The following C12orf56 variants were observed in gnomAD, a reference collection of about 807,000 sequenced individuals.
The protein encoded by C12orf56 is uncharacterized protein C12orf56.
Under a neutral mutation model 69.9 loss-of-function variants are expected in C12orf56, and 71 were observed. The observed-to-expected ratio is 1.02, with a 90% confidence interval of 0.84 to 1.24. C12orf56 has a LOEUF of 1.24. C12orf56 is among the 50% of genes most tolerant of loss of function. The pLI is 0.00. For synonymous variants in C12orf56, 276 were observed against 274.1 expected, an observed-to-expected ratio of 1.01 and a Z score of -0.07; for missense variants, 732 against 738.5, an observed-to-expected ratio of 0.99 and a Z score of 0.10.
At position 64,318,737 on chromosome 12, in the gene C12orf56, A is replaced by T; in HGVS notation, c.732T>A (p.Asn244Lys). 1 of 1,535,948 alleles carries T rather than the reference A, an allele frequency of 6.5e-7. No homozygotes were observed. Among genetic ancestry groups the T allele is most frequent in the South Asian group, 1.2e-5 (1 of 83,982 alleles). ...CTAAGTAAAACTCATTTCCATTCCCATTGCACTTGAAAGGAATTTCACTTA... is the reference window on the plus strand; with the variant it reads ...CTAAGTAAAACTCATTTCCATTCCCTTTGCACTTGAAAGGAATTTCACTTA... ...NSISEIPFKCNGNGNEFYLGN... is the reference protein window; with the variant it reads ...NSISEIPFKCKGNGNEFYLGN... Residue 244 changes from asparagine to lysine, a missense_variant, in exon 4 of 13, where the codon AAT (asparagine) becomes AAA (lysine). Transcript: ENST00000543942.
chr12:64,375,592 G>C (rs2039629025), intron 1 of C12orf56, among the ~76,000 whole-genome samples: 1 of 152,126 alleles, frequency 6.6e-6, no homozygotes, highest in African/African-American at 2.4e-5. Flanking sequence ...ATAGAGGCTG[G>C]CCATTGGAAG....
intron 6 of C12orf56, among the ~76,000 whole-genome samples, chr12:64,294,163 A>T (rs926015382): frequency 6.6e-6 from 1 of 152,144 alleles, no homozygotes; most frequent in Non-Finnish European, 1.5e-5. Context: ...GATAGCTACT[A>T]TTAAAAAAAA....
intron 1 of C12orf56, among the ~76,000 whole-genome samples, chr12:64,382,966 C>G (rs555413791): frequency 4.6e-5 from 7 of 151,934 alleles, no homozygotes; most frequent in African/African-American, 7.2e-5. Context: ...CTTGTTCATT[C>G]CTGGGCATCC....
chr12:64,288,788 C>T (rs2038243891), intron 6 of C12orf56, among the ~76,000 whole-genome samples: 1 of 150,264 alleles, frequency 6.7e-6, no homozygotes, highest in Non-Finnish European at 1.5e-5. Flanking sequence ...TAGTGTGATG[C>T]CTCCAGCTTT....
At chr12:64,328,508 A>G (rs1480010075) in intron 3 of C12orf56, among the ~76,000 whole-genome samples, 4 of 151,364 alleles carry the variant, frequency 2.6e-5, no homozygotes, top group Non-Finnish European at 5.9e-5. Context: ...GTGAAACTCC[A>G]TCTCTACTTA....
At chr12:64,295,511 C>A (rs1363794231) in intron 6 of C12orf56, among the ~76,000 whole-genome samples, 2 of 152,002 alleles carry the variant, frequency 1.3e-5, no homozygotes, top group East Asian at 3.9e-4. Context: ...ATTAGCCCAG[C>A]ATGGTAGCAT....
At chr12:64,356,206 A>G (rs1013040898) in intron 1 of C12orf56, among the ~76,000 whole-genome samples, 16 of 149,118 alleles carry the variant, frequency 1.1e-4, no homozygotes, top group African/African-American at 4.0e-4. Flanking sequence ...AAAACCATAC[A>G]TTTAAGCTTA....
At chr12:64,344,266 C>T (rs1013370354) in intron 2 of C12orf56, among the ~76,000 whole-genome samples, 13 of 152,146 alleles carry the variant, frequency 8.5e-5, no homozygotes, top group Admixed American at 3.3e-4. Context: ...ACATGACCTC[C>T]CCTTCATTCA....
At chr12:64,385,899 T>C (rs552409399) in intron 1 of C12orf56, among the ~76,000 whole-genome samples, 16 of 152,118 alleles carry the variant, frequency 1.1e-4, no homozygotes, top group East Asian at 7.7e-4. Flanking sequence ...GGTGAATCCA[T>C]TGGGCAGTTA....
At chr12:64,325,535 G>T (rs2038828173) in intron 3 of C12orf56, among the ~76,000 whole-genome samples, 1 of 152,158 alleles carries the variant, frequency 6.6e-6, no homozygotes, top group Non-Finnish European at 1.5e-5. Flanking sequence ...AAAGTGTGTG[G>T]TTTTATCTTT....
intron 4 of C12orf56, among the ~76,000 whole-genome samples, chr12:64,316,382 G>A (rs757248537): frequency 5.3e-5 from 8 of 152,092 alleles, no homozygotes; most frequent in Non-Finnish European, 8.8e-5. Context: ...ATGGGCATGA[G>A]GCACCACGCC....
intron 10 of C12orf56, 123 bp downstream of exon 10, chr12:64,275,175 C>A: frequency 1.4e-6 from 1 of 697,452 alleles, no homozygotes; most frequent in African/African-American, 1.8e-5. Context: ...CAAGTACAAG[C>A]ATTTTTGATA....
Position 64,390,550 on chromosome 12 carries a change from G to A in C12orf56, c.16C>T (p.Pro6Ser), listed in dbSNP as rs548695921. The change falls in exon 1 of 13, where the codon CCG (proline) becomes TCG (serine). Residue 6 changes from proline to serine, a missense_variant. Physicochemically the swap from Pro to Ser is moderately conservative, Grantham distance 74 (BLOSUM62 -1). Transcript: ENST00000543942. MASPL[P>S]SGFPARRNSR... ...TTCCTGCGCGCGGGGAAGCCGGACG[G>A]CAAGGGGCTGGCCATGCCCGGCGCC... is the stretch of plus-strand genomic sequence containing the variant. 64 of 1,592,446 alleles carry A rather than the reference G, an allele frequency of 4.0e-5. 1 individual carries two copies. In the East Asian group the frequency reaches 1.1e-3, roughly 28 times the overall value.
At chr12:64,332,121 A>G (rs2038938571) in intron 2 of C12orf56, among the ~76,000 whole-genome samples, 1 of 152,036 alleles carries the variant, frequency 6.6e-6, no homozygotes, top group African/African-American at 2.4e-5. Context: ...CCTGGCCAAC[A>G]TGGTGAAACC....
intron 2 of C12orf56, among the ~76,000 whole-genome samples, chr12:64,349,784 G>A (rs2039196509): frequency 6.6e-6 from 1 of 152,108 alleles, no homozygotes; most frequent in Non-Finnish European, 1.5e-5. Flanking sequence ...AACCTATGAG[G>A]ATACAAAGGC....
At chr12:64,314,113 TCTCA>T (rs1163815647) in intron 4 of C12orf56, among the ~76,000 whole-genome samples, 1 of 145,918 alleles carries the variant, frequency 6.9e-6, no homozygotes. Context: ...TGAGACAGGG[TCTCA>T]CTCTGTCACC....
intron 11 of C12orf56, among the ~76,000 whole-genome samples, chr12:64,271,903 T>C (rs890697326): frequency 3.9e-5 from 6 of 152,194 alleles, no homozygotes; most frequent in Admixed American, 3.9e-4. Flanking sequence ...TGCTTGCAAA[T>C]GTCTCTTGAA....
intron 3 of C12orf56, among the ~76,000 whole-genome samples, chr12:64,323,877 A>G (rs2038803706): frequency 6.6e-6 from 1 of 152,234 alleles, no homozygotes. Flanking sequence ...CTCTCAAAGT[A>G]TCCCAGAAAT....
chr12:64,301,689 G>A (rs2038447849), intron 6 of C12orf56, among the ~76,000 whole-genome samples: 2 of 152,140 alleles, frequency 1.3e-5, no homozygotes, highest in Admixed American at 6.5e-5. Flanking sequence ...TTGGTCTGGC[G>A]ATAATTTCCA....
Sources: allele counts gnomAD v4.1 joint callset (sites outside exome capture counted in the v4.1 genomes callset), GRCh38; gene constraint gnomAD v4.1.1; transcripts MANE v1.5; gene names NCBI Gene and HGNC (gene_info 2026-07-23, HGNC 2026-07-21).